Variants in DIP2C observed in about 807,000 individuals in gnomAD.
The protein encoded by DIP2C is disco-interacting protein 2 homolog C.
Under a neutral mutation model 192.4 loss-of-function variants are expected in DIP2C, and 33 were observed. The ratio of observed to expected loss-of-function variants is 0.17; its 90% CI spans 0.13 to 0.23. DIP2C has a LOEUF of 0.23. DIP2C is among the 10% of genes least tolerant of loss of function. DIP2C has a pLI of 1.00. For missense variants in DIP2C, 1,537 were observed against 2,110.1 expected, an observed-to-expected ratio of 0.73 and a Z score of 5.32; for synonymous variants, 979 against 864.1, an observed-to-expected ratio of 1.13 and a Z score of -2.33.
intron 1 of DIP2C, among the ~76,000 whole-genome samples, chr10:538,916 TCTG>T (rs1052017289): frequency 3.9e-5 from 6 of 152,216 alleles, no homozygotes; most frequent in African/African-American, 1.4e-4. Flanking sequence ...TGTTCATGAA[TCTG>T]CTATATGAAC....
At chr10:425,933 C>T (rs1459028931) in intron 4 of DIP2C, among the ~76,000 whole-genome samples, 1 of 152,152 alleles carries the variant, frequency 6.6e-6, no homozygotes, top group African/African-American at 2.4e-5. Flanking sequence ...CAATAGAAGG[C>T]GTTTTCCCTA....
chr10:476,336 G>A lies in DIP2C; in HGVS notation c.158-3787C>T, dbSNP rs72774516. On this transcript the variant is annotated intron_variant, in intron 2 of 36. Transcript: ENST00000280886. ...CGGGGACGGGAGATCCCATGCCTGC[G>A]GTCGTGGCCCCAATCCGTCTGGCTC... is the stretch of plus-strand genomic sequence containing the variant. Among the ~76,000 whole-genome samples, 1,217 of 152,258 alleles carry A rather than the reference G, an allele frequency of 8.0e-3. 10 individuals carry two copies. The highest frequency in any genetic ancestry group is 0.02 in the African/African-American group (820 of 41,550).
intron 4 of DIP2C, among the ~76,000 whole-genome samples, chr10:429,127 C>T (rs777039581): frequency 5.3e-5 from 8 of 152,130 alleles, no homozygotes; most frequent in Non-Finnish European, 8.8e-5. Flanking sequence ...AAATGTATAA[C>T]ATGTATCCAC....
chr10:429,854 G>A (rs1365987510), intron 4 of DIP2C, among the ~76,000 whole-genome samples: 1 of 152,068 alleles, frequency 6.6e-6, no homozygotes, highest in Non-Finnish European at 1.5e-5. Flanking sequence ...TCTATGTGTA[G>A]GCTTTGTATG....
intron 35 of DIP2C, among the ~76,000 whole-genome samples, chr10:282,806 C>T (rs1211912817): frequency 1.3e-5 from 2 of 152,364 alleles, no homozygotes; most frequent in South Asian, 2.1e-4. Flanking sequence ...CACCAGGGCC[C>T]GAGAGCCTCG....
intron 22 of DIP2C, among the ~76,000 whole-genome samples, chr10:361,504 C>T (rs963810604): frequency 6.6e-6 from 1 of 152,194 alleles, no homozygotes; most frequent in Non-Finnish European, 1.5e-5. Context: ...AAAGGATCCT[C>T]CTCCTTCCAT....
At chr10:403,606 T>A (rs1964575011) in intron 9 of DIP2C, among the ~76,000 whole-genome samples, 1 of 73,954 alleles carries the variant, frequency 1.4e-5, no homozygotes, top group Non-Finnish European at 3.1e-5. Context: ...CCTGTGATTT[T>A]ACATGTGTGG....
intron 4 of DIP2C, among the ~76,000 whole-genome samples, chr10:440,639 C>G (rs1050244523): frequency 2.0e-5 from 3 of 152,166 alleles, no homozygotes; most frequent in Non-Finnish European, 4.4e-5. Flanking sequence ...TGGTATGTAT[C>G]ATATGTATGA....
At chr10:482,481 C>A (rs1300935664) in intron 2 of DIP2C, among the ~76,000 whole-genome samples, 2 of 152,186 alleles carry the variant, frequency 1.3e-5, no homozygotes, top group Non-Finnish European at 2.9e-5. Context: ...AGAGGCTGTG[C>A]CGCACAGACA....
intron 9 of DIP2C, among the ~76,000 whole-genome samples, chr10:405,224 G>A (rs558814396): frequency 6.6e-6 from 1 of 152,358 alleles, no homozygotes; most frequent in African/African-American, 2.4e-5. Flanking sequence ...CCTCTCCCGA[G>A]AAGCACCTCG....
At chr10:550,196 G>A (rs142405596) in intron 1 of DIP2C, among the ~76,000 whole-genome samples, 51 of 152,156 alleles carry the variant, frequency 3.4e-4, no homozygotes, top group African/African-American at 1.2e-3. Flanking sequence ...TTTTAGTAGA[G>A]ACAGGATTTC....
chr10:366,456 T>A, intron 18 of DIP2C, 45 bp from the exon 19 acceptor site: 1 of 1,611,938 alleles, frequency 6.2e-7, no homozygotes, highest in African/African-American at 1.3e-5. Flanking sequence ...AGGGGGCAGG[T>A]GGGGAGAATA....
intron 28 of DIP2C, among the ~76,000 whole-genome samples, chr10:344,379 AGGGTGGGGCGG>A (rs1275110637): frequency 4.1e-5 from 1 of 24,246 alleles, no homozygotes; most frequent in African/African-American, 1.4e-4. Flanking sequence ...GAAGTCCCCA[AGGGTGGGGCGG>A]GGGCGGGGCG....
At chr10:422,653 G>A (rs184140907) in intron 5 of DIP2C, among the ~76,000 whole-genome samples, 171 bp downstream of exon 5, 1 of 152,354 alleles carries the variant, frequency 6.6e-6, no homozygotes, top group African/African-American at 2.4e-5. Flanking sequence ...ACCTGGGCAT[G>A]AGAAGTGTAA....
intron 1 of DIP2C, among the ~76,000 whole-genome samples, chr10:632,434 G>A (rs146955807): frequency 0.033 from 4,591 of 137,552 alleles, 214 homozygotes; most frequent in African/African-American, 0.12. Flanking sequence ...GAGACCATGC[G>A]GGCACCGGTG....
At chr10:616,609 C>CA (rs1443987826) in intron 1 of DIP2C, among the ~76,000 whole-genome samples, 1 of 152,192 alleles carries the variant, frequency 6.6e-6, no homozygotes, top group East Asian at 1.9e-4. Context: ...ACCAGCACAG[C>CA]ACCCAGAGGT....
At chr10:381,268 TA>T (rs1429063894) in intron 17 of DIP2C, among the ~76,000 whole-genome samples, 1 of 152,198 alleles carries the variant, frequency 6.6e-6, no homozygotes, top group African/African-American at 2.4e-5. Flanking sequence ...ATATGCATGA[TA>T]ACGACATAAA....
At chr10:565,303 C>G (rs1849400594) in intron 1 of DIP2C, among the ~76,000 whole-genome samples, 1 of 146,816 alleles carries the variant, frequency 6.8e-6, no homozygotes, top group Non-Finnish European at 1.5e-5. Context: ...AGTTTAAATT[C>G]AGCTGAGGAA....
chr10:605,293 G>A lies in DIP2C; in HGVS notation c.85+84201C>T, dbSNP rs1489071560. The stretch of plus-strand genomic sequence containing the variant: ...GACTATCTCAACTACTGGGTTTCAG[G>A]GACACGTTAGGAAATCGTGAGACTC... On this transcript the variant is annotated intron_variant, in intron 1 of 36. Transcript: ENST00000280886. Among the ~76,000 whole-genome samples, 9 of 152,248 alleles carry A rather than the reference G, an allele frequency of 5.9e-5. No individual in the cohort carries two copies. The East Asian group carries it at 1.5e-3, about 26-fold the overall frequency.
Sources: allele counts gnomAD v4.1 joint callset (sites outside exome capture counted in the v4.1 genomes callset), GRCh38; gene constraint gnomAD v4.1.1; transcripts MANE v1.5; gene names NCBI Gene and HGNC (gene_info 2026-07-23, HGNC 2026-07-21).